OPA1: variants seen among roughly 807,000 people sequenced by gnomAD.
OPA1 encodes OPA1 mitochondrial dynamin like GTPase, also known as dynamin-like GTPase OPA1, mitochondrial.
In OPA1, 59 loss-of-function variants were observed where a neutral mutation model predicts 152.9. The ratio of observed to expected loss-of-function variants is 0.39; its 90% confidence interval spans 0.31 to 0.48. The LOEUF (loss-of-function observed/expected upper bound fraction) is 0.48, where lower values mean the gene tolerates loss of function less well. Among genes scored for constraint, OPA1 ranks in the 20% least tolerant of loss-of-function variants. OPA1 has a pLI of 0.96. For synonymous variants in OPA1, 400 were observed against 389.9 expected (o/e 1.03, Z -0.31); for missense variants, 1,008 against 1,216.8 (o/e 0.83, Z 2.55).
At chr3:193,611,125 G>A (rs899902721) in intron 1 of OPA1, among the ~76,000 whole-genome samples, 20 of 152,270 alleles carry the variant, frequency 1.3e-4, no homozygotes, top group African/African-American at 3.9e-4. Flanking sequence ...TTTCTGCGTC[G>A]CTCAAGCTGG....
chr3:193,668,582 C>T (rs1284057155), intron 29 of OPA1: 1 of 1,542,570 alleles, frequency 6.5e-7, no homozygotes. Flanking sequence ...TGTGGAGATA[C>T]CCTCTTTACC....
chr3:193,685,429 G>A (rs901678986), intron 29 of OPA1, among the ~76,000 whole-genome samples: 1 of 152,030 alleles, frequency 6.6e-6, no homozygotes, highest in African/African-American at 2.4e-5. Flanking sequence ...TACTTTATGG[G>A]GGTCACAAAA....
chr3:193,634,626 T>G (rs372169002), intron 8 of OPA1, among the ~76,000 whole-genome samples: 44 of 152,280 alleles, frequency 2.9e-4, no homozygotes, highest in African/African-American at 9.9e-4. Flanking sequence ...GCCAGAATGC[T>G]CTCGATCTCT....
intron 29 of OPA1, among the ~76,000 whole-genome samples, chr3:193,679,432 A>G (rs889051757): frequency 6.6e-6 from 1 of 152,104 alleles, no homozygotes; most frequent in Non-Finnish European, 1.5e-5. Context: ...TTTATTTTAC[A>G]GTTTACAAAA....
intron 29 of OPA1, among the ~76,000 whole-genome samples, chr3:193,676,059 A>G (rs1053878825): frequency 2.0e-5 from 3 of 152,138 alleles, no homozygotes; most frequent in African/African-American, 4.8e-5. Context: ...ATCTATATCA[A>G]AACCACTTAT....
intron 29 of OPA1, chr3:193,668,499 C>T (rs1349320424): frequency 1.2e-5 from 18 of 1,550,400 alleles, no homozygotes; most frequent in Non-Finnish European, 1.6e-5. Context: ...CTCTCCATCT[C>T]ATCCTTCCCA....
rs1721159487 is a variant in OPA1 at position 193,688,138 on chromosome 3, C to G, written c.2984-3925C>G. On this transcript the variant is annotated intron_variant, in intron 29 of 30. Coordinates refer to ENST00000361510, the MANE Select transcript of OPA1 (RefSeq NM_130837.3). ...CATGAAGCCAGCTAAGTTAGTTTTT[C>G]CCTTTGAAAACCACAGCCCTTATCT... 2.0e-5 allele frequency among the ~76,000 whole-genome samples: 3 copies of G among 152,114 alleles called. No homozygotes were observed. In the South Asian group the frequency reaches 6.2e-4, roughly 32 times the overall value.
At chr3:193,690,672 G>A (rs536104253) in intron 29 of OPA1, among the ~76,000 whole-genome samples, 4 of 151,874 alleles carry the variant, frequency 2.6e-5, no homozygotes, top group Admixed American at 2.6e-4. Context: ...TAGCTGCCTC[G>A]CTGGTAAAAA....
At chr3:193,654,181 A>G (rs1437934992) in intron 21 of OPA1, among the ~76,000 whole-genome samples, 1 of 152,190 alleles carries the variant, frequency 6.6e-6, no homozygotes, top group Non-Finnish European at 1.5e-5. Context: ...CATGCAACAT[A>G]ATACTACACA....
intron 29 of OPA1, among the ~76,000 whole-genome samples, chr3:193,669,984 A>G (rs1338210107): frequency 2.0e-5 from 3 of 152,204 alleles, no homozygotes; most frequent in Admixed American, 1.3e-4. Flanking sequence ...CCTTGGAAGC[A>G]AGGGTTTTGC....
At chr3:193,672,512 C>CA (rs1165594453) in intron 29 of OPA1, among the ~76,000 whole-genome samples, 1 of 152,124 alleles carries the variant, frequency 6.6e-6, no homozygotes, top group African/African-American at 2.4e-5. Context: ...TGCGTGTAAT[C>CA]AGAGACTTAT....
At chr3:193,636,825 A>G (rs894450949) in intron 9 of OPA1, among the ~76,000 whole-genome samples, 37 of 150,312 alleles carry the variant, frequency 2.5e-4, no homozygotes, top group African/African-American at 8.6e-4. Context: ...GCAAAGAATA[A>G]TTTCATTGTC....
At chr3:193,667,052 A>T (rs2109275616) in intron 28 of OPA1, 118 bp from the exon 29 acceptor site, 1 of 662,158 alleles carries the variant, frequency 1.5e-6, no homozygotes. Context: ...TATGAAAAGT[A>T]TTAGCAATAG....
intron 21 of OPA1, among the ~76,000 whole-genome samples, chr3:193,652,153 G>T (rs1712641448): frequency 1.3e-5 from 2 of 152,122 alleles, no homozygotes. Flanking sequence ...GGCCCCTATG[G>T]TCGGATCACT....
rs553901392 is a variant in OPA1 at position 193,645,833 on chromosome 3, A to C, written c.1754+33A>C. On this transcript the variant is annotated intron_variant, in intron 18 of 30. Transcript: ENST00000361510. ...TCTTGTTAAAACATTTAAACATTTT[A>C]CAGTAAGAGAGTAGCTTAAATTGAA... The C allele has an allele frequency of 4.7e-6, 7 of 1,494,314 alleles. No individual in the cohort carries two copies. The South Asian group carries it at 8.0e-5, about 17-fold the overall frequency. The allele number at this position is 1,494,314 out of a possible 1,614,324, so 92.6% of individuals were successfully genotyped here. A position where few individuals can be genotyped will look rare whatever the true frequency, so the allele number is the denominator to read the frequency against.
intron 29 of OPA1, among the ~76,000 whole-genome samples, chr3:193,674,617 T>A (rs1718587149): frequency 6.6e-6 from 1 of 152,194 alleles, no homozygotes; most frequent in South Asian, 2.1e-4. Flanking sequence ...GAATAAAAAG[T>A]AGTCAGAACA....
chr3:193,615,853 T>C, intron 3 of OPA1, 83 bp downstream of exon 3: 2 of 831,634 alleles, frequency 2.4e-6, no homozygotes, highest in East Asian at 2.4e-5. Context: ...TCTTAACTTA[T>C]GAACCTAATA....
At chr3:193,634,600 G>A (rs150835425) in intron 8 of OPA1, among the ~76,000 whole-genome samples, 2,809 of 152,138 alleles carry the variant, frequency 0.018, 99 homozygotes, top group African/African-American at 0.065. Context: ...AGTAGAGACA[G>A]GGTTTCACCA....
At chr3:193,596,316 C>T (rs150091321) in intron 1 of OPA1, among the ~76,000 whole-genome samples, 8,881 of 79,604 alleles carry the variant, frequency 0.11, 250 homozygotes, top group South Asian at 0.13. Context: ...TTTTCCTTTC[C>T]TTTCCTTTCC....
Sources: gnomAD v4.1 joint callset for allele counts (sites outside exome capture counted in the v4.1 genomes callset) on GRCh38, gnomAD v4.1.1 for gene constraint, MANE v1.5 for transcripts, NCBI Gene and HGNC (gene_info 2026-07-23, HGNC 2026-07-21) for gene names.